The following HDAC4 variants were observed in gnomAD, a reference collection of about 807,000 sequenced individuals.
The protein encoded by HDAC4 is histone deacetylase 4, also known as histone deacetylase A.
In HDAC4, 16 loss-of-function variants were observed where a neutral mutation model predicts 135.1. That is an observed-to-expected ratio of 0.12 (90% CI 0.08 to 0.18). The LOEUF (loss-of-function observed/expected upper bound fraction) is 0.18, where lower values mean the gene tolerates loss of function less well. Ranked by LOEUF, HDAC4 falls within the 10% of genes least tolerant of loss-of-function variation. The pLI, the probability that HDAC4 is intolerant of heterozygous loss-of-function variation, is 1.00. For synonymous variants in HDAC4, 685 were observed against 653.4 expected, an observed-to-expected ratio of 1.05 and a Z score of -0.74; for missense variants, 1,143 against 1,511.8, an observed-to-expected ratio of 0.76 and a Z score of 4.05.
intron 8 of HDAC4, chr2:239,140,849 G>T (rs1480686667): frequency 2.5e-6 from 1 of 407,524 alleles, no homozygotes; most frequent in East Asian, 9.7e-5. Context: ...AGCCCACGAG[G>T]ACGCAGGTGC....
chr2:239,161,779 GA>G, intron 6 of HDAC4: 3 of 425,974 alleles, frequency 7.0e-6, no homozygotes, highest in Admixed American at 2.6e-5. Context: ...GGAGTTCCAG[GA>G]AAAGTCAGTC....
intron 2 of HDAC4, among the ~76,000 whole-genome samples, chr2:239,277,139 C>T (rs2050416673): frequency 6.6e-6 from 1 of 152,186 alleles, no homozygotes; most frequent in African/African-American, 2.4e-5. Context: ...CTTGGTGTAC[C>T]CAGCACCTGG....
chr2:239,091,407 G>A (rs913771462), intron 17 of HDAC4: 1 of 152,320 alleles, frequency 6.6e-6, no homozygotes, highest in East Asian at 1.9e-4. Context: ...GGTCTTAGAA[G>A]CCGTGTCATA....
In HDAC4 at chr2:239,306,701, C is replaced by T. The variant is rs1054488204; in HGVS notation, c.22+45977G>A. Among the ~76,000 whole-genome samples the T allele has an allele frequency of 2.6e-4, 40 of 152,146 alleles. No individual in the cohort carries two copies. The highest frequency in any genetic ancestry group is 1.3e-4 in the Admixed American group (2 of 15,274). On this transcript the variant is annotated intron_variant, in intron 2 of 26. Transcript: ENST00000543185. This position sits in a 1 kb window ranked among gnomAD's most constrained non-coding sequence, Gnocchi z 4.5. Reference sequence around the variant, plus strand: ...ACCCAGGTCCTCGGGCGCAGAGCATCCAGGGCCCAGGGCCCACAGGGTTTT... The same window carrying T: ...ACCCAGGTCCTCGGGCGCAGAGCATTCAGGGCCCAGGGCCCACAGGGTTTT...
intron 24 of HDAC4, among the ~76,000 whole-genome samples, chr2:239,060,687 A>C (rs1265230365): frequency 6.6e-6 from 1 of 152,254 alleles, no homozygotes; most frequent in African/African-American, 2.4e-5. Flanking sequence ...GTGAACAAAC[A>C]CATCCTGGGC....
At chr2:239,120,385 A>T (rs564031696) in intron 12 of HDAC4, among the ~76,000 whole-genome samples, 7 of 151,158 alleles carry the variant, frequency 4.6e-5, no homozygotes, top group African/African-American at 1.7e-4. Context: ...CCGCAGAGGC[A>T]CACACAGACG....
chr2:239,208,404 C>T (rs936725479), intron 3 of HDAC4, among the ~76,000 whole-genome samples: 4 of 151,272 alleles, frequency 2.6e-5, no homozygotes, highest in East Asian at 1.9e-4. Flanking sequence ...TCCAACTCAC[C>T]GTTAATTATG....
At chr2:239,310,084 G>C (rs952307574) in intron 2 of HDAC4, among the ~76,000 whole-genome samples, 4 of 152,240 alleles carry the variant, frequency 2.6e-5, no homozygotes, top group African/African-American at 9.6e-5. Flanking sequence ...GCGTAGAGGT[G>C]CTCAGAATCA....
chr2:239,153,269 T>C (rs1050088695), intron 7 of HDAC4, among the ~76,000 whole-genome samples: 13 of 152,226 alleles, frequency 8.5e-5, no homozygotes, highest in African/African-American at 2.7e-4. Flanking sequence ...TGTTCACAGG[T>C]CATACAATTG....
chr2:239,346,747 CACACACACCCTGTCTAA>C lies in HDAC4; in HGVS notation c.22+5914_22+5930del, dbSNP rs1162359434. Among the ~76,000 whole-genome samples, 11 of 150,410 alleles carry C rather than the reference CACACACACCCTGTCTAA, an allele frequency of 7.3e-5. 1 individual carries two copies. The highest frequency in any genetic ancestry group is 3.4e-3 in the Middle Eastern group (1 of 290). On this transcript the variant is annotated intron_variant, in intron 2 of 26. Transcript: ENST00000543185. ...ACACACGCTCTAAAACACACCCTGA[CACACACACCCTGTCTAA>C]ACACACACCCTAACACATACACCGT...
At chr2:239,155,064 AG>A (rs1170178794) in intron 7 of HDAC4, 1 of 152,180 alleles carries the variant, frequency 6.6e-6, no homozygotes, top group Non-Finnish European at 1.5e-5. Context: ...CCACTCCTCC[AG>A]GGACTTGGCC....
intron 2 of HDAC4, among the ~76,000 whole-genome samples, chr2:239,259,633 G>A (rs900536939): frequency 5.3e-5 from 8 of 152,172 alleles, no homozygotes; most frequent in Middle Eastern, 3.4e-3. Context: ...AGAAACAAAC[G>A]GAAATTAAAC....
chr2:239,185,051 G>A (rs1282106498), intron 4 of HDAC4, among the ~76,000 whole-genome samples: 2 of 149,162 alleles, frequency 1.3e-5, no homozygotes. Context: ...GTCCCTCAGT[G>A]CCTGCCCTGG....
At chr2:239,272,712 C>T (rs1324539307) in intron 2 of HDAC4, among the ~76,000 whole-genome samples, 2 of 152,228 alleles carry the variant, frequency 1.3e-5, no homozygotes, top group South Asian at 4.1e-4. Context: ...CAACCATCTG[C>T]ACTCACCCCC....
intron 2 of HDAC4, among the ~76,000 whole-genome samples, chr2:239,350,505 G>A (rs888803837): frequency 1.3e-4 from 20 of 151,922 alleles, no homozygotes; most frequent in African/African-American, 4.8e-4. Flanking sequence ...ATATATAAAT[G>A]AGAGAACTTT....
intron 2 of HDAC4, among the ~76,000 whole-genome samples, chr2:239,341,077 T>C (rs1233059929): frequency 6.6e-6 from 1 of 152,262 alleles, no homozygotes; most frequent in East Asian, 1.9e-4. Context: ...CTCTCTGGTT[T>C]ACCAACGAAA....
At chr2:239,256,380 G>A (rs538744565) in intron 2 of HDAC4, among the ~76,000 whole-genome samples, 4 of 152,222 alleles carry the variant, frequency 2.6e-5, no homozygotes, top group Non-Finnish European at 5.9e-5. Flanking sequence ...CTTTTTCTGT[G>A]AATTCTGTCG....
chr2:239,247,167 G>A (rs947362192), intron 2 of HDAC4, among the ~76,000 whole-genome samples: 6 of 152,208 alleles, frequency 3.9e-5, no homozygotes, highest in Admixed American at 1.3e-4. Context: ...CCTCGCTGCC[G>A]GGCCACCCGC....
chr2:239,191,592 G>C (rs1212713727), intron 3 of HDAC4, among the ~76,000 whole-genome samples: 1 of 152,230 alleles, frequency 6.6e-6, no homozygotes, highest in African/African-American at 2.4e-5. Context: ...GGGAGGCCTG[G>C]GCACTGGCCG....
Sources: gnomAD v4.1 joint callset for allele counts (sites outside exome capture counted in the v4.1 genomes callset) on GRCh38, gnomAD v4.1.1 for gene constraint, Gnocchi (gnomAD v3.1) non-coding constraint, MANE v1.5 for transcripts, NCBI Gene and HGNC (gene_info 2026-07-23, HGNC 2026-07-21) for gene names.